Variants in LPIN2 observed in about 807,000 individuals in gnomAD.
LPIN2 encodes phosphatidate phosphatase LPIN2.
A neutral mutation model predicts 111.4 loss-of-function variants in LPIN2; 55 were observed. That is an observed-to-expected ratio of 0.49 (90% CI 0.40 to 0.62). The LOEUF is 0.62. LPIN2 is among the 20% of genes least tolerant of loss of function. The probability of loss-of-function intolerance (pLI) is 0.00; values close to 1 mark genes in which losing one functional copy is unlikely to be tolerated. For missense variants in LPIN2, 992 were observed against 1,112.1 expected, an observed-to-expected ratio of 0.89 and a Z score of 1.54; for synonymous variants, 425 against 414.0, an observed-to-expected ratio of 1.03 and a Z score of -0.32.
At chr18:2,926,972 A>G (rs1376644043) in intron 12 of LPIN2, among the ~76,000 whole-genome samples, 167 bp from the exon 13 acceptor site, 2 of 152,264 alleles carry the variant, frequency 1.3e-5, no homozygotes, top group African/African-American at 4.8e-5. Context: ...TTAGAAACCT[A>G]AGACAGAAGT....
chr18:2,930,945 G>A (rs1361168357), intron 9 of LPIN2, among the ~76,000 whole-genome samples: 1 of 152,214 alleles, frequency 6.6e-6, no homozygotes, highest in Non-Finnish European at 1.5e-5. Context: ...TAACTTTACA[G>A]ATGAGAAAAC....
At chr18:2,996,493 T>A (rs1403391370) in intron 1 of LPIN2, among the ~76,000 whole-genome samples, 2 of 74,524 alleles carry the variant, frequency 2.7e-5, no homozygotes, top group Non-Finnish European at 5.5e-5. Context: ...TTTTTTTTTT[T>A]TTGAGACAGA....
chr18:2,975,139 T>C (rs1289050157), intron 1 of LPIN2, among the ~76,000 whole-genome samples: 3 of 152,216 alleles, frequency 2.0e-5, no homozygotes, highest in African/African-American at 7.2e-5. Flanking sequence ...AACTTATCTA[T>C]AGTCTAGCAG....
At position 2,925,046 on chromosome 18, in the gene LPIN2, G is replaced by A. The variant is rs1292488962; in HGVS notation, c.1938+178C>T. Among the ~76,000 whole-genome samples, 1 of 152,252 alleles carries A rather than the reference G, an allele frequency of 6.6e-6. No homozygotes were observed. The highest frequency in any genetic ancestry group is 6.5e-5 in the Admixed American group (1 of 15,292). On this transcript the variant is annotated intron_variant, in intron 14 of 19. Coordinates refer to ENST00000677752, the MANE Select transcript of LPIN2 (RefSeq NM_001375808.2). The surrounding 1 kb of genome is among the most constrained non-coding windows in gnomAD (Gnocchi z 4.1). ...CAGGACCCAAGCCACAGGTTCCCCA[G>A]GTGGGCCTGATAGCTCTTGGGGGCG...
chr18:2,929,492 G>A (rs910628068), intron 9 of LPIN2, among the ~76,000 whole-genome samples: 7 of 152,030 alleles, frequency 4.6e-5, no homozygotes, highest in Middle Eastern at 3.2e-3. Context: ...ACACACACAC[G>A]AAAACTGTCG....
intron 4 of LPIN2, chr18:2,946,033 T>G: frequency 7.1e-7 from 1 of 1,406,230 alleles, no homozygotes; most frequent in South Asian, 1.2e-5. Context: ...TTCTAGACTC[T>G]CTAGACCCCG....
At chr18:3,008,240 G>A (rs555633799) in intron 1 of LPIN2, among the ~76,000 whole-genome samples, 46 of 152,296 alleles carry the variant, frequency 3.0e-4, no homozygotes, top group East Asian at 1.3e-3. Flanking sequence ...CCAGGAGTTC[G>A]AGACCAGCCT....
At chr18:3,003,747 C>A (rs539817210) in intron 1 of LPIN2, among the ~76,000 whole-genome samples, 1 of 152,226 alleles carries the variant, frequency 6.6e-6, no homozygotes, top group East Asian at 1.9e-4. Flanking sequence ...TGTGTTTGAA[C>A]AATATGAAAT....
intron 17 of LPIN2, 67 bp downstream of exon 17, chr18:2,921,980 C>G (rs889306199): frequency 1.9e-6 from 3 of 1,541,134 alleles, no homozygotes; most frequent in African/African-American, 1.4e-5. Flanking sequence ...ACACATCCCC[C>G]CACCTTGGGC....
At chr18:3,004,368 G>C (rs1212441007) in intron 1 of LPIN2, among the ~76,000 whole-genome samples, 1 of 152,144 alleles carries the variant, frequency 6.6e-6, no homozygotes, top group East Asian at 1.9e-4. Flanking sequence ...GTCACCCCCA[G>C]AGGCCCAGCT....
At chr18:2,984,997 C>CTGTA (rs2078167391) in intron 1 of LPIN2, 5 of 152,562 alleles carry the variant, frequency 3.3e-5, no homozygotes, top group Admixed American at 3.3e-4. Flanking sequence ...TACAATGCAG[C>CTGTA]TTACACAACA....
chr18:2,958,982 A>T (rs2077665934), intron 2 of LPIN2, among the ~76,000 whole-genome samples: 2 of 152,222 alleles, frequency 1.3e-5, no homozygotes, highest in Non-Finnish European at 2.9e-5. Context: ...CAATAGATCC[A>T]TACACAACTA....
chr18:2,940,709 T>G lies in LPIN2; in HGVS notation c.594A>C (p.Gly198=), dbSNP rs776327670. 1 of 1,599,660 alleles carries G rather than the reference T, an allele frequency of 6.3e-7. No individual in the cohort carries two copies. Among genetic ancestry groups the G allele is most frequent in the Non-Finnish European group, 8.6e-7 (1 of 1,167,514 alleles). ...DDDKGAQAAR[G]SSNASLKEEE... ...CTTCTTTCAAGGAAGCATTTGAAGA[T>G]CCTCTGTGAAGGAGAAACCAAAGAA... The change falls in exon 5 of 20, where the codon GGA becomes GGC. Residue 198 remains glycine, a synonymous_variant. Transcript: ENST00000677752.
rs1568542264 is a variant in LPIN2, at chr18:2,940,589, T to C, written c.698+16A>G. On this transcript the variant is annotated intron_variant, in intron 5 of 19. Coordinates refer to ENST00000677752, the MANE Select transcript of LPIN2 (RefSeq NM_001375808.2). ...CTTCCTCTTTCAAGAAACCAAGAAA[T>C]TTCAAAGATACTTACGTCTCTAAAG... 2.0e-6 allele frequency: 3 copies of C among 1,519,426 alleles called. No homozygotes were observed. Among genetic ancestry groups the C allele is most frequent in the Non-Finnish European group, 2.7e-6 (3 of 1,095,512 alleles). 94.1% of individuals were successfully genotyped at this position (1,519,426 alleles called of 1,614,324 possible). A position where few individuals can be genotyped will look rare whatever the true frequency, so the allele number is the denominator to read the frequency against.
In LPIN2 at chr18:2,937,849, G is replaced by A. The variant is rs375422942; in HGVS notation, c.1011C>T (p.Ser337=). 41 of 1,613,978 alleles carry A rather than the reference G, an allele frequency of 2.5e-5. No individual in the cohort carries two copies. Among genetic ancestry groups the A allele is most frequent in the Admixed American group, 2.3e-4 (14 of 59,986 alleles). ...GAAGCTCTGCCACAGATGTTGGGTC[G>A]CTCATCTGTGTACCCAGGGCTCTGG... ...PKPRALGTQM[S]DPTSVAELLE... Residue 337 remains serine, a synonymous_variant, in exon 7 of 20, where the codon AGC becomes AGT. Transcript: ENST00000677752.
intron 4 of LPIN2, chr18:2,946,975 A>G (rs2077462715): frequency 4.2e-6 from 1 of 237,226 alleles, no homozygotes; most frequent in Non-Finnish European, 8.3e-6. Flanking sequence ...GAGCATCTGT[A>G]AGATCCATGT....
In LPIN2 at chr18:2,929,049, AAGC is replaced by A. The variant is rs760691993; in HGVS notation, c.1550+13_1550+15del. The A allele has an allele frequency of 1.4e-6, 2 of 1,455,406 alleles. No individual in the cohort carries two copies. The highest frequency in any genetic ancestry group is 1.9e-6 in the Non-Finnish European group (2 of 1,036,300). 90.2% of individuals were successfully genotyped at this position (1,455,406 alleles called of 1,614,324 possible). A position where few individuals can be genotyped will look rare whatever the true frequency, so the allele number is the denominator to read the frequency against. ...CTGCAAGAGTATTTAACAATTATAA[AAGC>A]AGGAGTATTTACCGATTATATATCC... On this transcript the variant is annotated intron_variant, in intron 10 of 19. Coordinates refer to ENST00000677752, the MANE Select transcript of LPIN2 (RefSeq NM_001375808.2).
At chr18:2,937,009 C>T (rs2077296070) in intron 7 of LPIN2, among the ~76,000 whole-genome samples, 2 of 152,204 alleles carry the variant, frequency 1.3e-5, no homozygotes, top group Admixed American at 1.3e-4. Flanking sequence ...TAAGATGTTT[C>T]AAGTGAAAAC....
intron 12 of LPIN2, among the ~76,000 whole-genome samples, chr18:2,927,328 C>G (rs980483260): frequency 6.6e-6 from 1 of 152,214 alleles, no homozygotes; most frequent in African/African-American, 2.4e-5. Context: ...CCTGGTGGAA[C>G]AGATTCTGGT....
Sources: gnomAD v4.1 joint callset for allele counts (sites outside exome capture counted in the v4.1 genomes callset) on GRCh38, gnomAD v4.1.1 for gene constraint, Gnocchi (gnomAD v3.1) non-coding constraint, MANE v1.5 for transcripts, NCBI Gene and HGNC (gene_info 2026-07-23, HGNC 2026-07-21) for gene names.